Variants in QRFPR observed in about 807,000 individuals in gnomAD.
QRFPR encodes pyroglutamylated RF-amide peptide receptor.
In QRFPR, 37 loss-of-function variants were observed where a neutral mutation model predicts 31.3. The observed-to-expected ratio is 1.18, with a 90% CI of 0.91 to 1.56. The LOEUF (loss-of-function observed/expected upper bound fraction) is 1.56, where lower values mean the gene tolerates loss of function less well. Ranked by LOEUF, QRFPR falls within the 40% of genes most tolerant of loss-of-function variation. The probability of loss-of-function intolerance (pLI) is 0.00; values close to 1 mark genes in which losing one functional copy is unlikely to be tolerated. For synonymous variants in QRFPR, 197 were observed against 192.0 expected, an observed-to-expected ratio of 1.03 and a Z score of -0.22; for missense variants, 542 against 532.5, an observed-to-expected ratio of 1.02 and a Z score of -0.18.
In QRFPR at chr4:121,333,040, A is replaced by T. The variant is rs1361885500; in HGVS notation, c.578T>A (p.Leu193Gln). The T allele has an allele frequency of 6.2e-7, 1 of 1,610,516 alleles. No homozygotes were observed. Among genetic ancestry groups the T allele is most frequent in the Admixed American group, 1.7e-5 (1 of 59,958 alleles). Reference sequence around the variant, plus strand: ...GCAGCAGATGTGTTCCTTTTCATATAGGAAGTCATATTTGATCTTCATAAT... The same window carrying T: ...GCAGCAGATGTGTTCCTTTTCATATTGGAAGTCATATTTGATCTTCATAAT... ...VQQLEIKYDF[L>Q]YEKEHICCLE... The change falls in exon 4 of 6, where the codon CTA (leucine) becomes CAA (glutamine). Residue 193 changes from leucine to glutamine, a missense_variant. Leu to Gln is a moderately radical substitution (Grantham distance 113). Transcript: ENST00000394427.
At chr4:121,372,575 T>G (rs1488530481) in intron 1 of QRFPR, among the ~76,000 whole-genome samples, 1 of 152,100 alleles carries the variant, frequency 6.6e-6, no homozygotes, top group Admixed American at 6.5e-5. Context: ...AAGCAATAAC[T>G]CCCCACTCTG....
At chr4:121,330,983 G>T (rs1725309926) in intron 4 of QRFPR, among the ~76,000 whole-genome samples, 1 of 151,838 alleles carries the variant, frequency 6.6e-6, no homozygotes, top group Non-Finnish European at 1.5e-5. Context: ...TATAAAATAT[G>T]GGCCAGGTGC....
Position 121,340,480 on chromosome 4 carries a change from G to A in QRFPR, c.471C>T (p.Tyr157=). The A allele has an allele frequency of 6.2e-7, 1 of 1,614,064 alleles. No individual in the cohort carries two copies. Among genetic ancestry groups the A allele is most frequent in the South Asian group, 1.1e-5 (1 of 91,082 alleles). ...GCATTGTGAAAGCCCTTCGGTTGGT[G>A]TATTGCCACTTCATTTTAAAAGGAT... ...LVHPFKMKWQ[Y]TNRRAFTMLG... Residue 157 remains tyrosine (Y), a synonymous_variant, in exon 2 of 6, where the codon TAC becomes TAT. Coordinates refer to ENST00000394427, the MANE Select transcript of QRFPR (RefSeq NM_198179.3).
intron 3 of QRFPR, among the ~76,000 whole-genome samples, chr4:121,335,545 T>C (rs1725416689): frequency 1.9e-5 from 2 of 107,720 alleles, no homozygotes; most frequent in South Asian, 7.1e-4. Flanking sequence ...CATCAGCTTC[T>C]GATGAGAGAG....
chr4:121,369,846 G>A lies in QRFPR; in HGVS notation c.340+10462C>T, dbSNP rs920139187. 9.2e-6 allele frequency: 9 copies of A among 977,204 alleles called. No homozygotes were observed. In the African/African-American group the frequency reaches 1.3e-4, roughly 14 times the overall value. 60.5% of individuals were successfully genotyped at this position (977,204 alleles called of 1,614,324 possible). ...GGGGTGGACAGGGCTGATGCAGGTG[G>A]CCTCTCTTCTTTTGTTATCTCTCCA... On this transcript the variant is annotated intron_variant, in intron 1 of 5. Transcript: ENST00000394427.
At chr4:121,356,673 A>G (rs1006674974) in intron 1 of QRFPR, among the ~76,000 whole-genome samples, 1 of 152,126 alleles carries the variant, frequency 6.6e-6, no homozygotes, top group South Asian at 2.1e-4. Flanking sequence ...CACTGCTCTG[A>G]TGGACTTGGG....
chr4:121,370,467 G>A, intron 1 of QRFPR: 5 of 505,454 alleles, frequency 9.9e-6, no homozygotes, highest in Non-Finnish European at 1.9e-5. Flanking sequence ...CTGCAAATTA[G>A]CAAAACTTCC....
chr4:121,378,471 A>G (rs1434394467), intron 1 of QRFPR, among the ~76,000 whole-genome samples: 1 of 136,726 alleles, frequency 7.3e-6, no homozygotes. Flanking sequence ...GGAGTGCAGT[A>G]GCGTGATCTC....
At chr4:121,331,641 ATTATTATTATTATTATTG>A (rs955215579) in intron 4 of QRFPR, among the ~76,000 whole-genome samples, 9 of 146,936 alleles carry the variant, frequency 6.1e-5, no homozygotes, top group African/African-American at 2.3e-4. Context: ...TATTATTATT[ATTATTATTATTATTATTG>A]TTATTATTAT....
chr4:121,330,835 T>G (rs545017983), intron 4 of QRFPR, among the ~76,000 whole-genome samples: 5 of 152,288 alleles, frequency 3.3e-5, no homozygotes, highest in African/African-American at 1.2e-4. Context: ...GTTAATTAAT[T>G]TGCGAAGTTA....
chr4:121,330,113 G>A (rs1725294969), intron 5 of QRFPR, among the ~76,000 whole-genome samples: 1 of 152,214 alleles, frequency 6.6e-6, no homozygotes, highest in Admixed American at 6.5e-5. Context: ...GTTCAAGTCA[G>A]GGTTCTAAAT....
intron 1 of QRFPR, among the ~76,000 whole-genome samples, chr4:121,345,958 A>C (rs925504577): frequency 2.0e-5 from 3 of 152,240 alleles, no homozygotes; most frequent in African/African-American, 7.2e-5. Flanking sequence ...GAATGAAAAA[A>C]ACCTGAGTCT....
At chr4:121,346,444 T>C (rs1725652256) in intron 1 of QRFPR, among the ~76,000 whole-genome samples, 1 of 152,224 alleles carries the variant, frequency 6.6e-6, no homozygotes, top group East Asian at 1.9e-4. Flanking sequence ...GGTGTTTTTG[T>C]AGCTTCTTTG....
chr4:121,343,623 G>T (rs1165247296), intron 1 of QRFPR, among the ~76,000 whole-genome samples: 1 of 152,064 alleles, frequency 6.6e-6, no homozygotes, highest in African/African-American at 2.4e-5. Flanking sequence ...ATGAATATGG[G>T]TATAAATTAT....
At chr4:121,357,987 G>C (rs528836858) in intron 1 of QRFPR, among the ~76,000 whole-genome samples, 1 of 152,060 alleles carries the variant, frequency 6.6e-6, no homozygotes, top group Non-Finnish European at 1.5e-5. Flanking sequence ...AATACAGGCT[G>C]TGCAACATAT....
chr4:121,351,118 A>G (rs1267022827), intron 1 of QRFPR, among the ~76,000 whole-genome samples: 1 of 152,216 alleles, frequency 6.6e-6, no homozygotes, highest in African/African-American at 2.4e-5. Context: ...GCTTTCCTCA[A>G]CTGTCTGACA....
chr4:121,336,658 T>G (rs2110468554), intron 3 of QRFPR, 149 bp downstream of exon 3: 1 of 713,758 alleles, frequency 1.4e-6, no homozygotes, highest in East Asian at 2.5e-5. Context: ...CCTTAAAAAA[T>G]CATTTTATTC....
intron 1 of QRFPR, among the ~76,000 whole-genome samples, chr4:121,374,544 C>A (rs1404643086): frequency 6.6e-6 from 1 of 152,166 alleles, no homozygotes; most frequent in Non-Finnish European, 1.5e-5. Context: ...CAGTGGCTTT[C>A]AACTTTGGCT....
At chr4:121,357,077 C>A (rs1725884969) in intron 1 of QRFPR, among the ~76,000 whole-genome samples, 3 of 152,044 alleles carry the variant, frequency 2.0e-5, no homozygotes, top group Non-Finnish European at 4.4e-5. Flanking sequence ...GGTGCTGTAA[C>A]AAAGTACCAC....
Sources: gnomAD v4.1 joint callset for allele counts (sites outside exome capture counted in the v4.1 genomes callset) on GRCh38, gnomAD v4.1.1 for gene constraint, MANE v1.5 for transcripts, NCBI Gene and HGNC (gene_info 2026-07-23, HGNC 2026-07-21) for gene names.